The following ARHGEF11 variants were observed in gnomAD, a reference collection of about 807,000 sequenced individuals.
ARHGEF11 encodes Rho guanine nucleotide exchange factor 11, also known as Rho guanine exchange factor (GEF) 11.
A neutral mutation model predicts 193.7 loss-of-function variants in ARHGEF11; 55 were observed. The observed-to-expected ratio is 0.28, with a 90% CI of 0.23 to 0.36. The LOEUF is 0.36. Ranked by LOEUF, ARHGEF11 falls within the 10% of genes least tolerant of loss-of-function variation. The pLI is 1.00. For missense variants in ARHGEF11, 1,723 were observed against 2,005.6 expected (o/e 0.86, Z 2.69); for synonymous variants, 693 against 768.0 (o/e 0.90, Z 1.62).
At chr1:156,936,480 G>GAAAAAAAAAAAAAAAAAAA (rs35863393) in intron 40 of ARHGEF11, among the ~76,000 whole-genome samples, 1 of 48,022 alleles carries the variant, frequency 2.1e-5, no homozygotes, top group African/African-American at 1.2e-4. Context: ...CAAATAAATA[G>GAAAAAAAAAAAAAAAAAAA]AAAAAAAAAA....
chr1:156,943,859 C>T, intron 32 of ARHGEF11, 76 bp downstream of exon 32: 2 of 1,525,454 alleles, frequency 1.3e-6, no homozygotes, highest in Non-Finnish European at 1.8e-6. Flanking sequence ...AGGCTCCAGA[C>T]TGGCCCTGCC....
At chr1:157,028,470 A>G (rs1248689341) in intron 1 of ARHGEF11, among the ~76,000 whole-genome samples, 2 of 152,206 alleles carry the variant, frequency 1.3e-5, no homozygotes, top group East Asian at 1.9e-4. Flanking sequence ...ATTCAACATA[A>G]AAGTCATACC....
chr1:156,980,036 G>C (rs1444253299), intron 4 of ARHGEF11, among the ~76,000 whole-genome samples: 4 of 152,206 alleles, frequency 2.6e-5, no homozygotes, highest in East Asian at 1.9e-4. Flanking sequence ...TGAACGACCA[G>C]GGCAGGTTAT....
Position 157,044,280 on chromosome 1 carries a change from AAATT to A in ARHGEF11, c.32+15_32+18del. On this transcript the variant is annotated intron_variant, in intron 1 of 40. Transcript: ENST00000368194. ...TTCCTTTAGTCAATGTTGAAAAATC[AAATT>A]ATTAGCAAACCTACCTGTCTATACT... 6.2e-7 allele frequency: 1 copy of A among 1,612,390 alleles called. No individual in the cohort carries two copies. The highest frequency in any genetic ancestry group is 8.5e-7 in the Non-Finnish European group (1 of 1,178,896).
intron 14 of ARHGEF11, among the ~76,000 whole-genome samples, chr1:156,961,309 G>A (rs1660803107): frequency 6.6e-6 from 1 of 152,188 alleles, no homozygotes; most frequent in African/African-American, 2.4e-5. Context: ...TTCTCCTCTT[G>A]CCTCACGGAT....
intron 1 of ARHGEF11, among the ~76,000 whole-genome samples, chr1:157,030,732 A>C (rs898821217): frequency 6.6e-6 from 1 of 152,128 alleles, no homozygotes; most frequent in Admixed American, 6.5e-5. Flanking sequence ...TCTGGACCTT[A>C]AGCAAGTTAC....
chr1:157,011,026 A>G (rs1357073458), intron 1 of ARHGEF11, among the ~76,000 whole-genome samples: 3 of 152,206 alleles, frequency 2.0e-5, no homozygotes, highest in African/African-American at 7.2e-5. Flanking sequence ...TCATATGAAA[A>G]TGAATAGCTA....
chr1:156,945,149 C>T lies in ARHGEF11; in HGVS notation c.2861G>A (p.Arg954Gln), dbSNP rs764698019. ...TTCATTCACATACTTGAGAATCTCCCGGCACTGGTCCCGGGCCCGGCACAG... is the reference window on the plus strand; with the variant it reads ...TTCATTCACATACTTGAGAATCTCCTGGCACTGGTCCCGGGCCCGGCACAG... ...EKLCRARDQC[R>Q]EILKYVNEAV... Residue 954 changes from arginine to glutamine, a missense_variant, in exon 30 of 41, where the codon CGG becomes CAG. Physicochemically the swap from Arg to Gln is conservative, Grantham distance 43 (BLOSUM62 1). Transcript: ENST00000368194. The T allele has an allele frequency of 1.8e-5, 29 of 1,614,030 alleles. No homozygotes were observed. The highest frequency in any genetic ancestry group is 1.7e-5 in the Admixed American group (1 of 60,008).
At position 156,968,087 on chromosome 1, in the gene ARHGEF11, C is replaced by A. The variant is rs764906322; in HGVS notation, c.863G>T (p.Gly288Val). 2 of 1,613,984 alleles carry A rather than the reference C, an allele frequency of 1.2e-6. No homozygotes were observed. The highest frequency in any genetic ancestry group is 2.2e-5 in the South Asian group (2 of 91,074). Reference sequence around the variant, plus strand: ...AGGGGAGGTTCGAGGACTGTCTAGCCCAGGGTCTGACAGTACCGAGTTCCG... The same window carrying A: ...AGGGGAGGTTCGAGGACTGTCTAGCACAGGGTCTGACAGTACCGAGTTCCG... ...MNRNSVLSDP[G>V]LDSPRTSPVI... The change falls in exon 11 of 41, where the codon GGG becomes GTG. Residue 288 changes from glycine to valine, a missense_variant. Transcript: ENST00000368194.
At chr1:157,012,921 C>T (rs944802624) in intron 1 of ARHGEF11, among the ~76,000 whole-genome samples, 36 of 152,138 alleles carry the variant, frequency 2.4e-4, no homozygotes, top group African/African-American at 7.0e-4. Flanking sequence ...ATAGCTAGGT[C>T]TCAGGGAGAA....
intron 5 of ARHGEF11, among the ~76,000 whole-genome samples, chr1:156,978,998 TA>T (rs982851498): frequency 1.3e-5 from 2 of 152,170 alleles, no homozygotes; most frequent in African/African-American, 4.8e-5. Context: ...TGAGTGTGGG[TA>T]AAAATGAAGA....
chr1:156,952,784 G>T (rs7513965), intron 21 of ARHGEF11, among the ~76,000 whole-genome samples: 43,813 of 152,260 alleles, frequency 0.29, 7,773 homozygotes, highest in African/African-American at 0.5. Flanking sequence ...GGGTGCACAT[G>T]ACAGGAGTAG....
chr1:156,948,119 C>T lies in ARHGEF11; in HGVS notation c.2153+62G>A. On this transcript the variant is annotated intron_variant, in intron 24 of 40. Coordinates refer to ENST00000368194, the MANE Select transcript of ARHGEF11 (RefSeq NM_198236.3). The surrounding 1 kb of genome is among the most constrained non-coding windows in gnomAD (Gnocchi z 4.2). ...ACCAGCCCCTTGCAGGTGAGAGGAG[C>T]AGCTGGGTGTGGATGGGACACAGAG... The T allele has an allele frequency of 6.5e-7, 1 of 1,538,426 alleles. No homozygotes were observed. The highest frequency in any genetic ancestry group is 1.4e-5 in the African/African-American group (1 of 73,044).
intron 1 of ARHGEF11, among the ~76,000 whole-genome samples, chr1:157,008,567 G>A (rs977826821): frequency 3.9e-5 from 6 of 152,140 alleles, no homozygotes; most frequent in African/African-American, 1.4e-4. Flanking sequence ...ATAAATGTCT[G>A]CTGTTTAAGC....
chr1:156,940,103 C>G, intron 36 of ARHGEF11, 104 bp downstream of exon 36: 1 of 1,427,934 alleles, frequency 7.0e-7, no homozygotes, highest in Non-Finnish European at 9.4e-7. Flanking sequence ...CTCAAGCACA[C>G]CAGGAAGAGC....
intron 7 of ARHGEF11, among the ~76,000 whole-genome samples, chr1:156,974,632 A>G (rs1342518328): frequency 6.6e-6 from 1 of 152,194 alleles, no homozygotes; most frequent in Admixed American, 6.5e-5. Flanking sequence ...CGTAACTCCA[A>G]AAAGAAAGCT....
At chr1:157,032,345 T>C (rs1671407568) in intron 1 of ARHGEF11, among the ~76,000 whole-genome samples, 1 of 152,116 alleles carries the variant, frequency 6.6e-6, no homozygotes, top group South Asian at 2.1e-4. Flanking sequence ...TCTGAGAACA[T>C]AAAAAGAGTT....
At chr1:156,996,086 T>C (rs1666444742) in intron 1 of ARHGEF11, among the ~76,000 whole-genome samples, 1 of 152,168 alleles carries the variant, frequency 6.6e-6, no homozygotes, top group Admixed American at 6.5e-5. Flanking sequence ...AGGATTAAAT[T>C]CATAATTTCA....
At chr1:157,018,924 C>T (rs1432349305) in intron 1 of ARHGEF11, among the ~76,000 whole-genome samples, 1 of 152,040 alleles carries the variant, frequency 6.6e-6, no homozygotes. Flanking sequence ...ACCTCATATG[C>T]AAAAAACAGT....
Sources: allele counts gnomAD v4.1 joint callset (sites outside exome capture counted in the v4.1 genomes callset), GRCh38; gene constraint gnomAD v4.1.1; non-coding constraint Gnocchi (gnomAD v3.1); transcripts MANE v1.5; gene names NCBI Gene and HGNC (gene_info 2026-07-23, HGNC 2026-07-21).